Variants in NOL10 observed in about 807,000 individuals in gnomAD.
NOL10 encodes H_NH0074G24.1.
A neutral mutation model predicts 103.5 loss-of-function variants in NOL10; 58 were observed. The observed-to-expected ratio is 0.56, with a 90% CI of 0.45 to 0.70. The LOEUF is 0.70. Among genes scored for constraint, NOL10 ranks in the 30% least tolerant of loss-of-function variants. The pLI is 0.00. For synonymous variants in NOL10, 287 were observed against 282.5 expected (o/e 1.02, Z -0.16); for missense variants, 763 against 807.3 (o/e 0.95, Z 0.67).
At chr2:10,594,609 C>T (rs976813354) in intron 17 of NOL10, among the ~76,000 whole-genome samples, 27 of 152,202 alleles carry the variant, frequency 1.8e-4, no homozygotes, top group African/African-American at 6.0e-4. Flanking sequence ...ACATAGAAAA[C>T]GAGCAAGAGA....
chr2:10,616,935 CAA>C (rs1267441744), intron 13 of NOL10, among the ~76,000 whole-genome samples: 1 of 152,154 alleles, frequency 6.6e-6, no homozygotes, highest in Non-Finnish European at 1.5e-5. Context: ...ACTTATTCAA[CAA>C]AGAGTTACCT....
chr2:10,620,972 T>C (rs1339407682), intron 13 of NOL10, among the ~76,000 whole-genome samples: 2 of 152,168 alleles, frequency 1.3e-5, no homozygotes, highest in Admixed American at 6.5e-5. Context: ...ATTTTCTGTA[T>C]TTTAATAGAG....
intron 13 of NOL10, among the ~76,000 whole-genome samples, chr2:10,642,058 T>C (rs1224657945): frequency 6.6e-6 from 1 of 152,188 alleles, no homozygotes. Context: ...AAGAGGAAGA[T>C]GAAAGAGACC....
At chr2:10,583,176 C>CT (rs1674849480) in intron 19 of NOL10, among the ~76,000 whole-genome samples, 1 of 152,204 alleles carries the variant, frequency 6.6e-6, no homozygotes, top group Non-Finnish European at 1.5e-5. Flanking sequence ...CCATCTTCTC[C>CT]TCTGTCTGCT....
chr2:10,589,275 G>T lies in NOL10; in HGVS notation c.1612C>A (p.Pro538Thr). The part of the protein sequence containing the change: ...ELREKEEEEE[P>T]EGKPSDAESS... The stretch of plus-strand genomic sequence containing the variant: ...TCTGCATCACTTGGTTTTCCTTCCG[G>T]CTCTTCCTCCTCTTCCTGAGAATAA... Residue 538 changes from proline to threonine, a missense_variant, in exon 19 of 21, where the codon CCG becomes ACG. Coordinates refer to ENST00000381685, the MANE Select transcript of NOL10 (RefSeq NM_024894.4). 1 of 1,613,526 alleles carries T rather than the reference G, an allele frequency of 6.2e-7. No individual in the cohort carries two copies.
chr2:10,677,746 T>TAAAAA (rs1681414614), intron 3 of NOL10, among the ~76,000 whole-genome samples: 2 of 152,122 alleles, frequency 1.3e-5, no homozygotes, highest in African/African-American at 4.8e-5. Flanking sequence ...GTGCTGGAAT[T>TAAAAA]ACAGGCGTGA....
At chr2:10,579,561 T>C (rs1674643585) in intron 19 of NOL10, among the ~76,000 whole-genome samples, 1 of 59,354 alleles carries the variant, frequency 1.7e-5, no homozygotes, top group Non-Finnish European at 4.3e-5. Context: ...TTCGGTTAGC[T>C]TTTTTTTTTT....
intron 1 of NOL10, among the ~76,000 whole-genome samples, chr2:10,684,969 G>A (rs1346803878): frequency 6.6e-6 from 1 of 152,164 alleles, no homozygotes; most frequent in East Asian, 1.9e-4. Flanking sequence ...CAAAATGCTA[G>A]GTCTACTGAC....
intron 13 of NOL10, among the ~76,000 whole-genome samples, chr2:10,635,962 C>T (rs768855786): frequency 3.9e-5 from 6 of 152,168 alleles, no homozygotes; most frequent in Non-Finnish European, 7.3e-5. Flanking sequence ...CTCGGCTCAC[C>T]GTAACCTCTG....
At chr2:10,620,657 C>T (rs1409733838) in intron 13 of NOL10, among the ~76,000 whole-genome samples, 1 of 152,178 alleles carries the variant, frequency 6.6e-6, no homozygotes, top group Non-Finnish European at 1.5e-5. Context: ...TAAGTAGAGT[C>T]TTAAGTATGC....
intron 13 of NOL10, among the ~76,000 whole-genome samples, chr2:10,609,431 C>CAAAAAAAAAAA (rs60104799): frequency 1.9e-4 from 21 of 111,514 alleles, no homozygotes; most frequent in African/African-American, 6.4e-4. Flanking sequence ...ACTAAAAATA[C>CAAAAAAAAAAA]AAAAAAAAAA....
intron 13 of NOL10, among the ~76,000 whole-genome samples, chr2:10,616,876 T>G (rs1207604909): frequency 6.6e-6 from 1 of 152,128 alleles, no homozygotes. Flanking sequence ...ACAGGTTGCC[T>G]AAGCTCCCTC....
In NOL10 at chr2:10,589,057, CT is replaced by C; in HGVS notation, c.1829del (p.Lys610SerfsTer4). 1 of 1,613,916 alleles carries C rather than the reference CT, an allele frequency of 6.2e-7. No individual in the cohort carries two copies. The highest frequency in any genetic ancestry group is 8.5e-7 in the Non-Finnish European group (1 of 1,179,884). On this transcript the variant is annotated frameshift_variant, in exon 19 of 21. Transcript: ENST00000381685. LOFTEE classifies it high-confidence loss of function. ...EFRSFKDSAT[K>X]QKLMNKTLED... ...GTGCTACTCACTTCATCAGTTTCTG[CT>C]TTGTGGCAGAATCTTTGAAGCTTCT...
chr2:10,660,342 G>A lies in NOL10; in HGVS notation c.678-1092C>T, dbSNP rs546102376. On this transcript the variant is annotated intron_variant, in intron 9 of 20. Transcript: ENST00000381685. ...CTTCACATATTTTTTTTGGAGACAG[G>A]GTTTCACTCCCGTCGCCCAGGCTGG... 2.6e-5 allele frequency among the ~76,000 whole-genome samples: 4 copies of A among 152,110 alleles called. No homozygotes were observed. The East Asian group carries it at 7.7e-4, about 29-fold the overall frequency.
rs927317265 is a variant in NOL10 at position 10,596,973 on chromosome 2, AT to A, written c.1422+3879del. ...GTTGAAAGAATAAATACATTCATTC[AT>A]TTTTTTTTTTAAAGAGATGCTGTCT... On this transcript the variant is annotated intron_variant, in intron 17 of 20. Coordinates refer to ENST00000381685, the MANE Select transcript of NOL10 (RefSeq NM_024894.4). Among the ~76,000 whole-genome samples the A allele has an allele frequency of 2.3e-3, 340 of 148,738 alleles. 1 individual carries two copies. Among genetic ancestry groups the A allele is most frequent in the Admixed American group, 2.2e-3 (32 of 14,880 alleles).
chr2:10,677,252 T>C (rs902784262), intron 3 of NOL10, among the ~76,000 whole-genome samples: 15 of 152,102 alleles, frequency 9.9e-5, no homozygotes, highest in Non-Finnish European at 2.1e-4. Flanking sequence ...CTTTGGCACT[T>C]TGTAAGGCAA....
chr2:10,624,834 C>T (rs575294912), intron 13 of NOL10, among the ~76,000 whole-genome samples: 16 of 152,216 alleles, frequency 1.1e-4, no homozygotes, highest in Middle Eastern at 3.4e-3. Context: ...ATGTTTAGAG[C>T]GGCTTTATTC....
At chr2:10,682,229 T>A (rs544550292) in intron 2 of NOL10, among the ~76,000 whole-genome samples, 160 bp from the exon 3 acceptor site, 1 of 152,140 alleles carries the variant, frequency 6.6e-6, no homozygotes, top group Admixed American at 6.6e-5. Context: ...AGCCCAACCA[T>A]TAAACAGCAG....
chr2:10,678,385 A>G (rs1259081373), intron 3 of NOL10, among the ~76,000 whole-genome samples: 2 of 151,624 alleles, frequency 1.3e-5, no homozygotes, highest in African/African-American at 4.9e-5. Flanking sequence ...TGAAAGGCTT[A>G]CAAGTATTAC....
Sources: allele counts gnomAD v4.1 joint callset (sites outside exome capture counted in the v4.1 genomes callset), GRCh38; gene constraint gnomAD v4.1.1; transcripts MANE v1.5; gene names NCBI Gene and HGNC (gene_info 2026-07-23, HGNC 2026-07-21).